Variants in FBN3 observed in about 807,000 individuals in gnomAD.
The protein encoded by FBN3 is fibrillin 3.
Under a neutral mutation model 330.1 loss-of-function variants are expected in FBN3, and 234 were observed. The observed-to-expected ratio is 0.71, with a 90% confidence interval of 0.64 to 0.79. The LOEUF is 0.79. Ranked by LOEUF, FBN3 falls within the 30% of genes least tolerant of loss-of-function variation. The pLI is 0.00. For missense variants in FBN3, 3,606 were observed against 3,886.9 expected (o/e 0.93, Z 1.92); for synonymous variants, 1,458 against 1,517.3 (o/e 0.96, Z 0.91).
chr19:8,101,037 G>A, intron 40 of FBN3, 65 bp from the exon 41 acceptor site: 11 of 1,360,142 alleles, frequency 8.1e-6, no homozygotes, highest in Non-Finnish European at 1.1e-5. Flanking sequence ...CTCCCAATCT[G>A]GAGGGGACAC....
At chr19:8,079,913 T>C (rs2081735844) in intron 59 of FBN3, among the ~76,000 whole-genome samples, 1 of 152,208 alleles carries the variant, frequency 6.6e-6, no homozygotes, top group South Asian at 2.1e-4. Context: ...AATTTCTTGT[T>C]ATGTCTGCCT....
rs141853634 is a variant in FBN3 at position 8,139,888 on chromosome 19, G to A, written c.866-1324C>T. ...GGCCACTGAGAGCCACCCCTGACCT[G>A]CCCCGAGCTGGGAAAACATGCAAAT... is the stretch of plus-strand genomic sequence containing the variant. On this transcript the variant is annotated intron_variant, in intron 8 of 63. Coordinates refer to ENST00000600128, the MANE Select transcript of FBN3 (RefSeq NM_032447.5). Among the ~76,000 whole-genome samples the A allele has an allele frequency of 2.6e-3, 394 of 151,992 alleles. 1 individual carries two copies. Among genetic ancestry groups the A allele is most frequent in the African/African-American group, 9.0e-3 (374 of 41,482 alleles).
Position 8,141,755 on chromosome 19 carries a change from A to T in FBN3, c.827T>A (p.Val276Asp). 1 of 1,614,138 alleles carries T rather than the reference A, an allele frequency of 6.2e-7. No individual in the cohort carries two copies. Among genetic ancestry groups the T allele is most frequent in the Non-Finnish European group, 8.5e-7 (1 of 1,179,998 alleles). The change falls in exon 8 of 64, where the codon GTT becomes GAT. Residue 276 changes from valine to aspartate, a missense_variant. Val to Asp is a radical substitution (Grantham distance 152). Transcript: ENST00000600128. ...MVGSFHCRCP[V>D]GHRLSDSSAA... Reference sequence around the variant, plus strand: ...GCTGCTGTCACTGAGCCGGTGTCCAACTGGACAGCGGCAATGGAAGGAGCC... The same window carrying T: ...GCTGCTGTCACTGAGCCGGTGTCCATCTGGACAGCGGCAATGGAAGGAGCC...
At chr19:8,089,521 G>T in intron 51 of FBN3, 24 bp downstream of exon 51, 1 of 1,613,510 alleles carries the variant, frequency 6.2e-7, no homozygotes, top group Non-Finnish European at 8.5e-7. Context: ...CTGGGACAGA[G>T]CTGGGGAAGG....
intron 36 of FBN3, among the ~76,000 whole-genome samples, 170 bp from the exon 37 acceptor site, chr19:8,108,408 G>C (rs2082496866): frequency 6.6e-6 from 1 of 152,116 alleles, no homozygotes; most frequent in South Asian, 2.1e-4. Flanking sequence ...AGAGACTTTG[G>C]CCAGTCCTGG....
chr19:8,100,377 C>T (rs2082301412), intron 41 of FBN3, among the ~76,000 whole-genome samples: 1 of 152,128 alleles, frequency 6.6e-6, no homozygotes, highest in Admixed American at 6.6e-5. Context: ...TTACTCTATC[C>T]CTCAGGCTGG....
intron 46 of FBN3, 103 bp from the exon 47 acceptor site, chr19:8,094,668 C>A: frequency 7.6e-7 from 1 of 1,313,930 alleles, no homozygotes; most frequent in Non-Finnish European, 1.0e-6. Context: ...ACTGAGGGCC[C>A]CAGGACAAGC....
intron 47 of FBN3, among the ~76,000 whole-genome samples, chr19:8,092,975 A>G (rs2082130046): frequency 6.6e-6 from 1 of 152,042 alleles, no homozygotes; most frequent in Non-Finnish European, 1.5e-5. Flanking sequence ...CTTAGGTGAC[A>G]GGTGCACCAA....
chr19:8,130,583 T>TGAAAGAAAGAAA (rs1295951203), intron 16 of FBN3, among the ~76,000 whole-genome samples: 1 of 14,066 alleles, frequency 7.1e-5, no homozygotes, highest in East Asian at 1.1e-3. Flanking sequence ...AAAGAAAGAA[T>TGAAAGAAAGAAA]GAAAGAAAGA....
rs772908032 is a variant in FBN3 at position 8,085,577 on chromosome 19, G to A, written c.6881-8C>T. On this transcript the variant is annotated splice_region_variant and splice_polypyrimidine_tract_variant and intron_variant, in intron 55 of 63. Transcript: ENST00000600128. The stretch of plus-strand genomic sequence containing the variant: ...AGGGCCCCTGCCGGATGTCTGCAGA[G>A]AACAATGGGAAAGACAACGGTCACT... 46 of 1,535,670 alleles carry A rather than the reference G, an allele frequency of 3.0e-5. No homozygotes were observed. The highest frequency in any genetic ancestry group is 4.4e-5 in the Admixed American group (2 of 45,926).
chr19:8,113,812 C>A lies in FBN3; in HGVS notation c.3838+1703G>T, dbSNP rs181917787. The stretch of plus-strand genomic sequence containing the variant: ...TTGAGTCCAGGAGTTCAAGACCAAC[C>A]CGGGCGACATAGTAAAACACTATCT... On this transcript the variant is annotated intron_variant, in intron 30 of 63. Coordinates refer to ENST00000600128, the MANE Select transcript of FBN3 (RefSeq NM_032447.5). Among the ~76,000 whole-genome samples, 333 of 143,128 alleles carry A rather than the reference C, an allele frequency of 2.3e-3. 2 individuals carry two copies. Among genetic ancestry groups the A allele is most frequent in the African/African-American group, 8.3e-3 (320 of 38,340 alleles). 93.9% of individuals were successfully genotyped at this position (143,128 alleles called of 152,430 possible). A position where few individuals can be genotyped will look rare whatever the true frequency, so the allele number is the denominator to read the frequency against.
At chr19:8,078,334 G>A (rs1208753940) in intron 59 of FBN3, among the ~76,000 whole-genome samples, 1 of 152,170 alleles carries the variant, frequency 6.6e-6, no homozygotes, top group Admixed American at 6.6e-5. Flanking sequence ...GCATGGTAGA[G>A]TCCAATCGTG....
rs527701918 is a variant in FBN3 at position 8,095,402 on chromosome 19, G to A, written c.5758C>T (p.Leu1920Phe). Residue 1920 changes from leucine (L) to phenylalanine (F), a missense_variant, in exon 46 of 64, where the codon CTC (leucine) becomes TTC (phenylalanine). Coordinates refer to ENST00000600128, the MANE Select transcript of FBN3 (RefSeq NM_032447.5). ...ACACAGTTCTTCCCATCAGCTGTGA[G>A]CTCAAAGCCATCCTGGCAGAGGCAG... ...FHCLCQDGFE[L>F]TADGKNCVDT... is the part of the protein sequence containing the mutation. 26 of 1,613,272 alleles carry A rather than the reference G, an allele frequency of 1.6e-5. No individual in the cohort carries two copies. The South Asian group carries it at 2.3e-4, about 14-fold the overall frequency.
chr19:8,120,358 C>T (rs575564796), intron 25 of FBN3, among the ~76,000 whole-genome samples: 53 of 151,700 alleles, frequency 3.5e-4, no homozygotes, highest in Admixed American at 9.2e-4. Flanking sequence ...TTAATAGAGA[C>T]GGGGTTTCAC....
intron 8 of FBN3, among the ~76,000 whole-genome samples, chr19:8,139,629 A>G (rs1161110862): frequency 6.6e-6 from 1 of 151,672 alleles, no homozygotes; most frequent in Non-Finnish European, 1.5e-5. Flanking sequence ...GGCCCCAAGG[A>G]GTCGAGGGGT....
At chr19:8,095,563 C>T (rs2082191656) in intron 45 of FBN3, 60 bp from the exon 46 acceptor site, 1 of 1,570,948 alleles carries the variant, frequency 6.4e-7, no homozygotes, top group African/African-American at 1.3e-5. Context: ...TCAAACCTTC[C>T]TTGTACTTCT....
Position 8,126,509 on chromosome 19 carries a change from A to G in FBN3, c.2513T>C (p.Leu838Pro). 1 of 1,613,316 alleles carries G rather than the reference A, an allele frequency of 6.2e-7. No individual in the cohort carries two copies. Among genetic ancestry groups the G allele is most frequent in the Non-Finnish European group, 8.5e-7 (1 of 1,179,820 alleles). The stretch of plus-strand genomic sequence containing the variant: ...GCAGGGGCTCCCCCAGGCTGCCCCG[A>G]GGGTGGCGCAGCACTCAGACCGCAG... The part of the protein sequence containing the change: ...ASLRSECCAT[L>P]GAAWGSPCER... Residue 838 changes from leucine (L) to proline (P), a missense_variant, in exon 20 of 64, where the codon CTC becomes CCC. Physicochemically the swap from Leu to Pro is moderately conservative, Grantham distance 98. Coordinates refer to ENST00000600128, the MANE Select transcript of FBN3 (RefSeq NM_032447.5).
At chr19:8,135,837 G>T in intron 13 of FBN3, 124 bp downstream of exon 13, 2 of 1,071,258 alleles carry the variant, frequency 1.9e-6, no homozygotes, top group Non-Finnish European at 2.7e-6. Context: ...GGGTTCAGAG[G>T]TGAGCAGAGG....
rs1462468347 is a variant in FBN3 at position 8,096,946 on chromosome 19, A to C, written c.5348T>G (p.Ile1783Ser). The change falls in exon 43 of 64, where the codon ATC becomes AGC. Residue 1783 changes from isoleucine (I) to serine (S), a missense_variant. By Grantham distance (142) the Ile-to-Ser change is moderately radical. Transcript: ENST00000600128. The surrounding 1 kb of genome is among the most constrained non-coding windows in gnomAD (Gnocchi z 4.6). ...PCQQNADCIN[I>S]PGSYRCKCTR... ...GCACTTGCAGCGGTAGCTACCGGGG[A>C]TGTTGATGCAGTCAGCATTCTGCTG... The C allele has an allele frequency of 4.3e-6, 7 of 1,613,554 alleles. No homozygotes were observed. The highest frequency in any genetic ancestry group is 4.5e-5 in the East Asian group (2 of 44,856).
Sources: gnomAD v4.1 joint callset for allele counts (sites outside exome capture counted in the v4.1 genomes callset) on GRCh38, gnomAD v4.1.1 for gene constraint, Gnocchi (gnomAD v3.1) non-coding constraint, MANE v1.5 for transcripts, NCBI Gene and HGNC (gene_info 2026-07-23, HGNC 2026-07-21) for gene names.